Variants in ADGRB3 observed in about 807,000 individuals in gnomAD.
ADGRB3 encodes adhesion G protein-coupled receptor B3, also known as brain-specific angiogenesis inhibitor 3.
ADGRB3 carries 37 observed loss-of-function variants against 193.4 expected under a neutral mutation model. The observed-to-expected ratio is 0.19, with a 90% confidence interval of 0.15 to 0.25. The LOEUF (loss-of-function observed/expected upper bound fraction) is 0.25. Ranked by LOEUF, ADGRB3 falls within the 10% of genes least tolerant of loss-of-function variation. ADGRB3 has a pLI of 1.00. For synonymous variants in ADGRB3, 690 were observed against 644.2 expected, an observed-to-expected ratio of 1.07 and a Z score of -1.08; for missense variants, 1,637 against 1,852.9, an observed-to-expected ratio of 0.88 and a Z score of 2.14.
intron 26 of ADGRB3, among the ~76,000 whole-genome samples, chr6:69,341,863 T>C (rs1385082277): frequency 1.3e-5 from 2 of 152,132 alleles, no homozygotes; most frequent in African/African-American, 2.4e-5. Context: ...ATGCAGTTTT[T>C]AGAAGATACT....
At position 68,962,839 on chromosome 6, in the gene ADGRB3, A is replaced by G. The variant is rs1206128546; in HGVS notation, c.1525+6030A>G. Among the ~76,000 whole-genome samples the G allele has an allele frequency of 2.0e-5, 3 of 152,156 alleles. No individual in the cohort carries two copies. The East Asian group carries it at 5.8e-4, about 29-fold the overall frequency. On this transcript the variant is annotated intron_variant, in intron 8 of 31. Coordinates refer to ENST00000370598, the MANE Select transcript of ADGRB3 (RefSeq NM_001704.3). ...TTTCTCACCTTGTGTATCCTGACATATGAATGACCTAAGACTGCCCCAGCA... is the reference window on the plus strand; with the variant it reads ...TTTCTCACCTTGTGTATCCTGACATGTGAATGACCTAAGACTGCCCCAGCA...
intron 3 of ADGRB3, among the ~76,000 whole-genome samples, chr6:68,914,563 C>A (rs1427097436): frequency 2.0e-5 from 3 of 152,168 alleles, no homozygotes; most frequent in East Asian, 1.9e-4. Flanking sequence ...TGGAAAGGAA[C>A]AACCAGTACC....
At chr6:69,244,004 A>G (rs1470893940) in intron 20 of ADGRB3, among the ~76,000 whole-genome samples, 5 of 152,048 alleles carry the variant, frequency 3.3e-5, no homozygotes. Context: ...ACCTAGGAGT[A>G]AAGCAAAAGT....
intron 3 of ADGRB3, among the ~76,000 whole-genome samples, chr6:68,786,068 A>G (rs1238897265): frequency 6.6e-6 from 1 of 151,328 alleles, no homozygotes; most frequent in Non-Finnish European, 1.5e-5. Flanking sequence ...TTGTCAGATG[A>G]GTAGGTTGCA....
At chr6:69,121,759 G>A (rs1291121691) in intron 17 of ADGRB3, among the ~76,000 whole-genome samples, 18 of 146,728 alleles carry the variant, frequency 1.2e-4, no homozygotes, top group Admixed American at 1.4e-4. Flanking sequence ...AGGCGTAGGC[G>A]CTCCTCACCT....
At chr6:68,638,210 C>T (rs1767998993) in intron 2 of ADGRB3, among the ~76,000 whole-genome samples, 1 of 152,164 alleles carries the variant, frequency 6.6e-6, no homozygotes, top group Admixed American at 6.5e-5. Flanking sequence ...CCCAGATTAT[C>T]AGATTAGATT....
chr6:69,369,842 A>G (rs1226798309), intron 29 of ADGRB3, among the ~76,000 whole-genome samples: 2 of 152,172 alleles, frequency 1.3e-5, no homozygotes, highest in African/African-American at 4.8e-5. Flanking sequence ...TTTCTCAAAT[A>G]TGTAAATATC....
chr6:68,984,919 A>G (rs867530089), intron 10 of ADGRB3, among the ~76,000 whole-genome samples: 1 of 151,854 alleles, frequency 6.6e-6, no homozygotes, highest in Non-Finnish European at 1.5e-5. Flanking sequence ...TTCTCCATTT[A>G]GTATGAGGCA....
intron 3 of ADGRB3, among the ~76,000 whole-genome samples, chr6:68,825,333 T>A (rs1431740922): frequency 1.3e-5 from 2 of 152,156 alleles, no homozygotes; most frequent in Non-Finnish European, 2.9e-5. Flanking sequence ...CAAGAGAAGA[T>A]TGGCATTTGC....
At chr6:68,988,819 G>A (rs557054129) in intron 10 of ADGRB3, among the ~76,000 whole-genome samples, 5 of 152,268 alleles carry the variant, frequency 3.3e-5, no homozygotes, top group African/African-American at 7.2e-5. Flanking sequence ...GCCTCATGAA[G>A]TAGAAAAACC....
At chr6:68,911,147 C>G (rs150742906) in intron 3 of ADGRB3, among the ~76,000 whole-genome samples, 1 of 151,802 alleles carries the variant, frequency 6.6e-6, no homozygotes, top group Non-Finnish European at 1.5e-5. Flanking sequence ...AACCATCATT[C>G]TCAGCAAACT....
At chr6:68,865,748 GTC>G (rs1176183097) in intron 3 of ADGRB3, among the ~76,000 whole-genome samples, 8 of 152,196 alleles carry the variant, frequency 5.3e-5, no homozygotes, top group African/African-American at 1.9e-4. Flanking sequence ...GTGTGGTTTA[GTC>G]CTGCACCTTC....
At chr6:69,227,008 G>A (rs1294152264) in intron 17 of ADGRB3, among the ~76,000 whole-genome samples, 3 of 152,180 alleles carry the variant, frequency 2.0e-5, no homozygotes, top group Admixed American at 6.5e-5. Flanking sequence ...AATAGACTCC[G>A]TCTCTTGATG....
chr6:69,012,151 G>C (rs1032045165), intron 11 of ADGRB3, among the ~76,000 whole-genome samples: 1 of 152,034 alleles, frequency 6.6e-6, no homozygotes, highest in Non-Finnish European at 1.5e-5. Context: ...TTCATGTACA[G>C]CAAGGAGTCA....
In ADGRB3 at chr6:68,943,834, C is replaced by A; in HGVS notation, c.1035C>A (p.His345Gln). 1 of 1,610,280 alleles carries A rather than the reference C, an allele frequency of 6.2e-7. No homozygotes were observed. The highest frequency in any genetic ancestry group is 8.5e-7 in the Non-Finnish European group (1 of 1,177,544). ...AGCTTCTTTGCTTTATTACAGTACA[C>A]GGAGTATGGGAGGAATGGTCACCAT... is the stretch of plus-strand genomic sequence containing the variant. The part of the protein sequence containing the change: ...VCNNTALCPV[H>Q]GVWEEWSPWS... Residue 345 changes from histidine (H) to glutamine (Q), a missense_variant, in exon 6 of 32, where the codon CAC becomes CAA. Transcript: ENST00000370598.
intron 3 of ADGRB3, among the ~76,000 whole-genome samples, chr6:68,782,876 C>T (rs185771629): frequency 6.6e-6 from 1 of 151,680 alleles, no homozygotes; most frequent in East Asian, 1.9e-4. Flanking sequence ...GGATATTAGC[C>T]CTTTGTCAGA....
chr6:69,278,947 T>C (rs1767359232), intron 20 of ADGRB3, among the ~76,000 whole-genome samples: 1 of 151,288 alleles, frequency 6.6e-6, no homozygotes, highest in South Asian at 2.1e-4. Context: ...AGAAAATTCA[T>C]GGAATACTTG....
At chr6:68,683,789 C>A (rs1470927353) in intron 3 of ADGRB3, among the ~76,000 whole-genome samples, 1 of 151,968 alleles carries the variant, frequency 6.6e-6, no homozygotes, top group Admixed American at 6.6e-5. Flanking sequence ...TTCATTATAC[C>A]TTTACGGCAG....
chr6:68,987,862 T>C (rs533478362), intron 10 of ADGRB3, among the ~76,000 whole-genome samples: 69 of 152,288 alleles, frequency 4.5e-4, no homozygotes, highest in African/African-American at 1.6e-3. Context: ...TATTATTTTC[T>C]AAAGGTAGCA....
Sources: gnomAD v4.1 joint callset for allele counts (sites outside exome capture counted in the v4.1 genomes callset) on GRCh38, gnomAD v4.1.1 for gene constraint, MANE v1.5 for transcripts, NCBI Gene and HGNC (gene_info 2026-07-23, HGNC 2026-07-21) for gene names.